ROBO2: variants seen among roughly 807,000 people sequenced by gnomAD.
The protein encoded by ROBO2 is roundabout homolog 2.
A neutral mutation model predicts 160.8 loss-of-function variants in ROBO2; 53 were observed. The observed-to-expected ratio is 0.33, with a 90% CI of 0.26 to 0.41. The LOEUF (loss-of-function observed/expected upper bound fraction) is 0.41, where lower values mean the gene tolerates loss of function less well. Among genes scored for constraint, ROBO2 ranks in the 10% least tolerant of loss-of-function variants. ROBO2 has a pLI of 1.00. For synonymous variants in ROBO2, 664 were observed against 611.7 expected, an observed-to-expected ratio of 1.09 and a Z score of -1.26; for missense variants, 1,577 against 1,722.4, an observed-to-expected ratio of 0.92 and a Z score of 1.49.
intron 2 of ROBO2, among the ~76,000 whole-genome samples, chr3:76,545,827 A>T (rs578072377): frequency 1.6e-4 from 24 of 152,034 alleles, no homozygotes; most frequent in Non-Finnish European, 3.2e-4. Flanking sequence ...CATATTGTTA[A>T]TAGTAATATC....
intron 1 of ROBO2, among the ~76,000 whole-genome samples, chr3:77,041,515 C>T (rs1248595667): frequency 6.6e-6 from 1 of 152,180 alleles, no homozygotes; most frequent in Non-Finnish European, 1.5e-5. Flanking sequence ...GGAGGTGTCT[C>T]CCTCTAGGTT....
At chr3:77,315,096 TTAA>T (rs201690264) in intron 2 of ROBO2, among the ~76,000 whole-genome samples, 2,781 of 152,274 alleles carry the variant, frequency 0.018, 35 homozygotes, top group Non-Finnish European at 0.029. Context: ...CTGAAGTGCC[TTAA>T]TGTCTTCAAA....
intron 2 of ROBO2, among the ~76,000 whole-genome samples, chr3:76,552,603 C>T (rs2083482412): frequency 6.6e-6 from 1 of 152,082 alleles, no homozygotes; most frequent in South Asian, 2.1e-4. Context: ...AACAATAAAC[C>T]TTTCACAGAC....
chr3:76,979,543 A>G (rs956505695), intron 2 of ROBO2, among the ~76,000 whole-genome samples: 6 of 151,220 alleles, frequency 4.0e-5, no homozygotes, highest in Non-Finnish European at 7.4e-5. Context: ...AAAAGACATG[A>G]TTTCATTTTT....
chr3:76,398,916 T>G (rs1483694872), intron 2 of ROBO2, among the ~76,000 whole-genome samples: 2 of 151,802 alleles, frequency 1.3e-5, no homozygotes, highest in Non-Finnish European at 2.9e-5. Flanking sequence ...TAAGACTGGG[T>G]GCAAAACTTA....
At chr3:76,346,178 A>C (rs1042802945) in intron 2 of ROBO2, among the ~76,000 whole-genome samples, 8 of 152,070 alleles carry the variant, frequency 5.3e-5, no homozygotes, top group African/African-American at 1.9e-4. Context: ...AGAATTTAAT[A>C]ATCTCTGAGG....
At chr3:77,056,270 T>C (rs2065732201) in intron 1 of ROBO2, among the ~76,000 whole-genome samples, 1 of 152,228 alleles carries the variant, frequency 6.6e-6, no homozygotes, top group Non-Finnish European at 1.5e-5. Flanking sequence ...GATCCATTTG[T>C]GTAAAAACTT....
Position 76,838,569 on chromosome 3 carries a change from T to C in ROBO2, c.110-259445T>C, listed in dbSNP as rs554067893. On this transcript the variant is annotated intron_variant, in intron 2 of 26. Transcript: ENST00000487694. Reference sequence around the variant, plus strand: ...TCCCTCATGTCTTATGAGCAGTCAGTCCTTTCAGCTCCTCTCAAAATTACA... The same window carrying C: ...TCCCTCATGTCTTATGAGCAGTCAGCCCTTTCAGCTCCTCTCAAAATTACA... Among the ~76,000 whole-genome samples the C allele has an allele frequency of 3.3e-5, 5 of 152,200 alleles. No homozygotes were observed. The South Asian group carries it at 1.0e-3, about 32-fold the overall frequency.
upstream of ROBO2, among the ~76,000 whole-genome samples, chr3:77,039,561 GC>G (rs1263356071): frequency 6.6e-6 from 1 of 152,190 alleles, no homozygotes; most frequent in African/African-American, 2.4e-5. Flanking sequence ...GCACCCGGGG[GC>G]GCGGAGAAGG....
chr3:77,357,912 C>A (rs2069368238), intron 2 of ROBO2, among the ~76,000 whole-genome samples: 1 of 152,152 alleles, frequency 6.6e-6, no homozygotes, highest in African/African-American at 2.4e-5. Context: ...TTGAAAGATC[C>A]ATAAGGATTG....
At chr3:76,818,635 G>T (rs2065882551) in intron 2 of ROBO2, among the ~76,000 whole-genome samples, 1 of 151,886 alleles carries the variant, frequency 6.6e-6, no homozygotes, top group Non-Finnish European at 1.5e-5. Context: ...TCAGATCTTA[G>T]ATTTAAATTC....
At chr3:77,174,920 T>C (rs2079989775) in intron 2 of ROBO2, among the ~76,000 whole-genome samples, 1 of 152,060 alleles carries the variant, frequency 6.6e-6, no homozygotes, top group South Asian at 2.1e-4. Flanking sequence ...AAAAATATCC[T>C]GAAACACTAA....
At chr3:76,449,579 T>C (rs1433813279) in intron 2 of ROBO2, among the ~76,000 whole-genome samples, 1 of 152,124 alleles carries the variant, frequency 6.6e-6, no homozygotes, top group Non-Finnish European at 1.5e-5. Context: ...ACGTGCATGG[T>C]TGATTGGCAA....
At chr3:76,899,127 A>G (rs2075037581) in intron 2 of ROBO2, among the ~76,000 whole-genome samples, 1 of 152,124 alleles carries the variant, frequency 6.6e-6, no homozygotes, top group Admixed American at 6.6e-5. Flanking sequence ...TTTATAGCCA[A>G]TCATCTCGTA....
chr3:77,283,330 G>A (rs1472789882), intron 2 of ROBO2, among the ~76,000 whole-genome samples: 1 of 152,144 alleles, frequency 6.6e-6, no homozygotes. Context: ...CAGGCCACCT[G>A]CACTTCAAAG....
chr3:75,924,820 C>T (rs1370635829), intron 1 of ROBO2, among the ~76,000 whole-genome samples: 4 of 148,104 alleles, frequency 2.7e-5, no homozygotes, highest in African/African-American at 9.9e-5. Flanking sequence ...TCCCGAGTAG[C>T]TGGGACTACA....
intron 2 of ROBO2, among the ~76,000 whole-genome samples, chr3:77,402,832 A>T (rs1459997566): frequency 1.3e-5 from 2 of 151,994 alleles, no homozygotes; most frequent in Non-Finnish European, 2.9e-5. Flanking sequence ...CAAACCACGC[A>T]CTTGATCTCC....
intron 2 of ROBO2, among the ~76,000 whole-genome samples, chr3:77,278,498 G>A (rs2060037152): frequency 1.3e-5 from 2 of 152,096 alleles, no homozygotes; most frequent in African/African-American, 4.8e-5. Context: ...GATGATATGT[G>A]AATGATGAGA....
chr3:76,120,982 T>A (rs895043491), intron 2 of ROBO2, among the ~76,000 whole-genome samples: 4 of 152,128 alleles, frequency 2.6e-5, no homozygotes, highest in Admixed American at 6.5e-5. Context: ...ATAATTAAAA[T>A]TTTTTTGAGG....
Sources: allele counts gnomAD v4.1 joint callset (sites outside exome capture counted in the v4.1 genomes callset), GRCh38; gene constraint gnomAD v4.1.1; transcripts MANE v1.5; gene names NCBI Gene and HGNC (gene_info 2026-07-23, HGNC 2026-07-21).